The following CYP19A1 variants were observed in gnomAD, a reference collection of about 807,000 sequenced individuals.
CYP19A1 encodes cytochrome P450 family 19 subfamily A member 1.
Under a neutral mutation model 44.4 loss-of-function variants are expected in CYP19A1, and 32 were observed. The ratio of observed to expected loss-of-function variants is 0.72; its 90% confidence interval spans 0.54 to 0.97. The LOEUF is 0.97. Among genes scored for constraint, CYP19A1 ranks in the 50% least tolerant of loss-of-function variants. The probability of loss-of-function intolerance (pLI) is 0.00; values close to 1 mark genes in which losing one functional copy is unlikely to be tolerated. For synonymous variants in CYP19A1, 212 were observed against 215.6 expected, an observed-to-expected ratio of 0.98 and a Z score of 0.14; for missense variants, 598 against 637.8, an observed-to-expected ratio of 0.94 and a Z score of 0.67.
chr15:51,257,915 G>C (rs1309095940), intron 1 of CYP19A1, among the ~76,000 whole-genome samples: 1 of 152,200 alleles, frequency 6.6e-6, no homozygotes, highest in African/African-American at 2.4e-5. Context: ...TTCTATGCAT[G>C]TATTATCACA....
chr15:51,285,472 G>C (rs1429019017), intron 1 of CYP19A1, among the ~76,000 whole-genome samples: 1 of 152,124 alleles, frequency 6.6e-6, no homozygotes, highest in Admixed American at 6.5e-5. Flanking sequence ...TTACAAAAAA[G>C]AGAAGGGGAA....
intron 1 of CYP19A1, among the ~76,000 whole-genome samples, chr15:51,260,034 TA>T (rs1242688103): frequency 2.0e-5 from 3 of 152,174 alleles, no homozygotes; most frequent in Admixed American, 6.5e-5. Flanking sequence ...CTTTATGTGA[TA>T]AAATGCCGCA....
chr15:51,223,258 GGAAT>G (rs3842333), intron 4 of CYP19A1, among the ~76,000 whole-genome samples: 5 of 151,102 alleles, frequency 3.3e-5, no homozygotes, highest in East Asian at 3.9e-4. Context: ...TTTCAATAGA[GGAAT>G]GAATGAATGA....
At chr15:51,269,926 T>A (rs569979351) in intron 1 of CYP19A1, among the ~76,000 whole-genome samples, 1 of 152,320 alleles carries the variant, frequency 6.6e-6, no homozygotes, top group South Asian at 2.1e-4. Context: ...GTAAACCTCT[T>A]GTATGTTTAA....
chr15:51,319,590 G>A (rs1350893334), intron 1 of CYP19A1, among the ~76,000 whole-genome samples: 1 of 152,140 alleles, frequency 6.6e-6, no homozygotes, highest in Non-Finnish European at 1.5e-5. Flanking sequence ...ACTAAACCAT[G>A]GATCCACATG....
Position 51,210,370 on chromosome 15 carries a change from G to T in CYP19A1, c.*438C>A, listed in dbSNP as rs763903819. 1 of 497,202 alleles carries T rather than the reference G, an allele frequency of 2.0e-6. No homozygotes were observed. The highest frequency in any genetic ancestry group is 4.0e-6 in the Non-Finnish European group (1 of 251,774). The allele number at this position is 497,202 out of a possible 1,614,324, so 30.8% of individuals were successfully genotyped here. Reference sequence around the variant, plus strand: ...GTACTTTAATTCACACTAGCAGGTGGGTTTGGCCCCAGGTACCCTGACATT... The same window carrying T: ...GTACTTTAATTCACACTAGCAGGTGTGTTTGGCCCCAGGTACCCTGACATT... On this transcript the variant is annotated 3_prime_UTR_variant, in exon 10 of 10. Coordinates refer to ENST00000396402, the MANE Select transcript of CYP19A1 (RefSeq NM_000103.4).
intron 1 of CYP19A1, among the ~76,000 whole-genome samples, chr15:51,302,422 C>T (rs1274275505): frequency 1.3e-5 from 2 of 152,220 alleles, no homozygotes; most frequent in Admixed American, 6.5e-5. Context: ...GTTGGTTTAA[C>T]TGCCCTCAGA....
At chr15:51,219,130 G>A (rs997143508) in intron 5 of CYP19A1, among the ~76,000 whole-genome samples, 2 of 152,078 alleles carry the variant, frequency 1.3e-5, no homozygotes, top group African/African-American at 4.8e-5. Flanking sequence ...AGTTTATCTG[G>A]ATTATACACT....
chr15:51,211,243 C>G (rs376326419), intron 9 of CYP19A1, among the ~76,000 whole-genome samples, 187 bp from the exon 10 acceptor site: 2 of 152,212 alleles, frequency 1.3e-5, no homozygotes, highest in Non-Finnish European at 1.5e-5. Flanking sequence ...CATTCACCCC[C>G]TGTGTTCTGA....
At chr15:51,214,806 G>A (rs2031402523) in intron 8 of CYP19A1, among the ~76,000 whole-genome samples, 1 of 152,182 alleles carries the variant, frequency 6.6e-6, no homozygotes, top group South Asian at 2.1e-4. Flanking sequence ...GGAAAGGATT[G>A]GGGGATGTCA....
At chr15:51,221,621 A>G (rs2032085284) in intron 5 of CYP19A1, 2 of 152,234 alleles carry the variant, frequency 1.3e-5, no homozygotes, top group Admixed American at 1.3e-4. Context: ...TGGCATTTGT[A>G]CTCAAGTTGC....
chr15:51,237,124 T>A, intron 2 of CYP19A1, 115 bp from the exon 3 acceptor site: 1 of 1,157,526 alleles, frequency 8.6e-7, no homozygotes, highest in Non-Finnish European at 1.3e-6. Flanking sequence ...ATGTGATGTA[T>A]ATCTGTGAAT....
At chr15:51,267,508 TTGGC>T (rs1259096578) in intron 1 of CYP19A1, among the ~76,000 whole-genome samples, 1 of 152,154 alleles carries the variant, frequency 6.6e-6, no homozygotes, top group Non-Finnish European at 1.5e-5. Context: ...GCGAGGTCCC[TTGGC>T]TGTACGCCGA....
intron 1 of CYP19A1, among the ~76,000 whole-genome samples, chr15:51,253,229 T>C (rs548972120): frequency 6.6e-6 from 1 of 152,314 alleles, no homozygotes; most frequent in African/African-American, 2.4e-5. Flanking sequence ...TAGGGCCTTA[T>C]CAGGTGTCTA....
intron 1 of CYP19A1, among the ~76,000 whole-genome samples, chr15:51,266,796 T>C (rs2034936123): frequency 6.6e-6 from 1 of 152,230 alleles, no homozygotes; most frequent in African/African-American, 2.4e-5. Flanking sequence ...AAGCCTTCCC[T>C]GGTCTGGTCT....
intron 3 of CYP19A1, among the ~76,000 whole-genome samples, chr15:51,234,759 G>A (rs1455017572): frequency 1.3e-5 from 2 of 152,078 alleles, no homozygotes; most frequent in Non-Finnish European, 2.9e-5. Flanking sequence ...ACTCCCAGGG[G>A]AGTATTAAAC....
chr15:51,214,355 C>T (rs556196703), intron 8 of CYP19A1, among the ~76,000 whole-genome samples: 4 of 152,238 alleles, frequency 2.6e-5, no homozygotes, highest in South Asian at 2.1e-4. Context: ...AGTAGTGAGG[C>T]GGTAGAGTTG....
At chr15:51,218,305 A>T in intron 6 of CYP19A1, 1 of 516,026 alleles carries the variant, frequency 1.9e-6, no homozygotes, top group East Asian at 3.8e-5. Flanking sequence ...CCCAGACCAC[A>T]CACTCAGCCC....
intron 1 of CYP19A1, among the ~76,000 whole-genome samples, chr15:51,247,898 G>A (rs755215096): frequency 2.0e-5 from 3 of 151,904 alleles, no homozygotes; most frequent in Non-Finnish European, 4.4e-5. Context: ...CTCAAGATAC[G>A]TCCCTGTATT....
Sources: allele counts gnomAD v4.1 joint callset (sites outside exome capture counted in the v4.1 genomes callset), GRCh38; gene constraint gnomAD v4.1.1; transcripts MANE v1.5; gene names NCBI Gene and HGNC (gene_info 2026-07-23, HGNC 2026-07-21).